Variants in TMEM135 observed in about 807,000 individuals in gnomAD.
TMEM135 encodes peroxisomal membrane protein 52.
TMEM135 carries 30 observed loss-of-function variants against 60.3 expected under a neutral mutation model. That is an observed-to-expected ratio of 0.50 (90% CI 0.37 to 0.68). The LOEUF (loss-of-function observed/expected upper bound fraction) is 0.68. Ranked by LOEUF, TMEM135 falls within the 30% of genes least tolerant of loss-of-function variation. The pLI, the probability that TMEM135 is intolerant of heterozygous loss-of-function variation, is 0.00. For missense variants in TMEM135, 468 were observed against 548.8 expected (o/e 0.85, Z 1.47); for synonymous variants, 190 against 186.7 (o/e 1.02, Z -0.14).
chr11:87,287,661 G>A (rs1214370157), intron 6 of TMEM135, among the ~76,000 whole-genome samples: 1 of 152,198 alleles, frequency 6.6e-6, no homozygotes, highest in Admixed American at 6.5e-5. Context: ...TGGCGACAGA[G>A]TGAGACTGCG....
At chr11:87,280,976 C>G (rs1009313989) in intron 6 of TMEM135, among the ~76,000 whole-genome samples, 1 of 152,096 alleles carries the variant, frequency 6.6e-6, no homozygotes, top group Non-Finnish European at 1.5e-5. Flanking sequence ...AATCACTGTT[C>G]CATTTCATTT....
rs1205301674 is a variant in TMEM135 at position 87,037,979 on chromosome 11, G to T, written c.-67G>T. On this transcript the variant is annotated 5_prime_UTR_variant, in exon 1 of 15. Coordinates refer to ENST00000305494, the MANE Select transcript of TMEM135 (RefSeq NM_022918.4). ...GGCCGGGCGAGAGGCTGGCGGCTGG[G>T]CTCTCGCGCCCCTCCCTGCAGGGCT... The T allele has an allele frequency of 6.2e-7, 1 of 1,606,246 alleles. No individual in the cohort carries two copies. Among genetic ancestry groups the T allele is most frequent in the East Asian group, 2.2e-5 (1 of 44,830 alleles).
chr11:87,302,192 T>A, intron 7 of TMEM135, 104 bp from the exon 8 acceptor site: 1 of 1,204,232 alleles, frequency 8.3e-7, no homozygotes, highest in Non-Finnish European at 1.2e-6. Context: ...TCTCAAATGA[T>A]AAAATACTTG....
chr11:87,287,190 A>G (rs1487992212), intron 6 of TMEM135, among the ~76,000 whole-genome samples: 1 of 152,236 alleles, frequency 6.6e-6, no homozygotes, highest in South Asian at 2.1e-4. Flanking sequence ...ATGAAGTACA[A>G]ATAGAGTAGC....
intron 3 of TMEM135, among the ~76,000 whole-genome samples, chr11:87,072,248 A>G (rs2135142905): frequency 6.6e-6 from 1 of 152,308 alleles, no homozygotes; most frequent in Admixed American, 6.5e-5. Context: ...TTCCATAGCC[A>G]TAATAGCATT....
intron 6 of TMEM135, among the ~76,000 whole-genome samples, chr11:87,266,803 G>A (rs145098543): frequency 4.6e-5 from 7 of 152,190 alleles, no homozygotes; most frequent in East Asian, 1.9e-4. Flanking sequence ...GTGGTTTGAC[G>A]TACTTGTTTT....
At chr11:87,080,833 C>T (rs545476506) in intron 3 of TMEM135, among the ~76,000 whole-genome samples, 37 of 152,026 alleles carry the variant, frequency 2.4e-4, no homozygotes, top group East Asian at 5.8e-4. Context: ...ATTACAGGCA[C>T]GTGCCACCAC....
chr11:87,225,394 AAT>A (rs1344559684), intron 5 of TMEM135, among the ~76,000 whole-genome samples: 1 of 152,126 alleles, frequency 6.6e-6, no homozygotes, highest in Non-Finnish European at 1.5e-5. Context: ...GTGACCATTC[AAT>A]AACATCTGCA....
chr11:87,248,910 G>A (rs1941354519), intron 6 of TMEM135, among the ~76,000 whole-genome samples: 1 of 152,076 alleles, frequency 6.6e-6, no homozygotes, highest in African/African-American at 2.4e-5. Context: ...TTTTCAGAAT[G>A]TTCATTGTTG....
chr11:87,118,096 G>A (rs937362764), intron 4 of TMEM135, among the ~76,000 whole-genome samples: 4 of 151,640 alleles, frequency 2.6e-5, no homozygotes, highest in South Asian at 4.2e-4. Context: ...TTTTTTCTGA[G>A]TAGCAGGTCT....
chr11:87,067,599 A>G, intron 1 of TMEM135, 95 bp from the exon 2 acceptor site: 1 of 1,526,848 alleles, frequency 6.5e-7, no homozygotes, highest in Non-Finnish European at 9.0e-7. Context: ...ACTTTAACTT[A>G]TAAATATATG....
intron 1 of TMEM135, among the ~76,000 whole-genome samples, chr11:87,054,470 A>C (rs1949873236): frequency 6.6e-6 from 1 of 152,152 alleles, no homozygotes; most frequent in Non-Finnish European, 1.5e-5. Context: ...ATATTTAGTA[A>C]AATGGACCTT....
intron 6 of TMEM135, among the ~76,000 whole-genome samples, chr11:87,291,499 A>G (rs1361704454): frequency 1.6e-5 from 2 of 121,380 alleles, no homozygotes; most frequent in Admixed American, 1.9e-4. Flanking sequence ...CTGTAAGTCT[A>G]TCCAGCAGCC....
chr11:87,295,422 T>A (rs1199383364), intron 6 of TMEM135, among the ~76,000 whole-genome samples: 1 of 152,142 alleles, frequency 6.6e-6, no homozygotes, highest in East Asian at 1.9e-4. Flanking sequence ...CCACCAGGTG[T>A]ATGTGGTCTT....
intron 4 of TMEM135, among the ~76,000 whole-genome samples, chr11:87,113,849 G>A (rs867586558): frequency 3.1e-4 from 47 of 151,792 alleles, no homozygotes; most frequent in African/African-American, 1.1e-3. Flanking sequence ...TGAGATATAG[G>A]GATCATCACA....
intron 5 of TMEM135, among the ~76,000 whole-genome samples, chr11:87,159,617 A>ACACACACACACACACACCCCCCC (rs140303858): frequency 8.0e-5 from 12 of 149,342 alleles, no homozygotes; most frequent in Admixed American, 3.3e-4. Flanking sequence ...ACACACACAC[A>ACACACACACACACACACCCCCCC]CCATAGATTT....
chr11:87,058,917 T>TTTTAA (rs1163983640), intron 1 of TMEM135, among the ~76,000 whole-genome samples: 2 of 151,928 alleles, frequency 1.3e-5, no homozygotes, highest in East Asian at 3.9e-4. Context: ...CAAGGTCTTA[T>TTTTAA]TTTTAATTTT....
At chr11:87,297,209 C>T (rs909195791) in intron 7 of TMEM135, among the ~76,000 whole-genome samples, 17 of 152,250 alleles carry the variant, frequency 1.1e-4, no homozygotes, top group African/African-American at 3.6e-4. Flanking sequence ...TATTTTCCTT[C>T]TTTCTCTTCC....
chr11:87,107,987 C>T (rs907284464), intron 4 of TMEM135, among the ~76,000 whole-genome samples: 4 of 152,230 alleles, frequency 2.6e-5, no homozygotes, highest in Admixed American at 1.3e-4. Flanking sequence ...CATTGTGGTT[C>T]TGATTTGCAT....
Sources: allele counts gnomAD v4.1 joint callset (sites outside exome capture counted in the v4.1 genomes callset), GRCh38; gene constraint gnomAD v4.1.1; transcripts MANE v1.5; gene names NCBI Gene and HGNC (gene_info 2026-07-23, HGNC 2026-07-21).